ITCH: variants seen among roughly 807,000 people sequenced by gnomAD.
ITCH encodes itchy E3 ubiquitin protein ligase.
A neutral mutation model predicts 126.8 loss-of-function variants in ITCH; 28 were observed. That is an observed-to-expected ratio of 0.22 (90% CI 0.16 to 0.30). ITCH has a LOEUF of 0.30. ITCH is among the 10% of genes least tolerant of loss of function. The pLI is 1.00. For synonymous variants in ITCH, 342 were observed against 340.0 expected (o/e 1.01, Z -0.06); for missense variants, 631 against 1,032.4 (o/e 0.61, Z 5.33).
chr20:34,365,255 A>T (rs1414950276), intron 1 of ITCH, among the ~76,000 whole-genome samples: 1 of 152,166 alleles, frequency 6.6e-6, no homozygotes, highest in African/African-American at 2.4e-5. Flanking sequence ...TGCTTCTTTG[A>T]ACTGTGAATT....
chr20:34,386,057 A>G (rs1174855837), intron 2 of ITCH, among the ~76,000 whole-genome samples: 1 of 151,432 alleles, frequency 6.6e-6, no homozygotes, highest in East Asian at 1.9e-4. Context: ...CCTTCTACCA[A>G]TACCTTCAGT....
In ITCH at chr20:34,462,192, T is replaced by C. The variant is rs1986594231; in HGVS notation, c.1395T>C (p.Tyr465=). Residue 465 remains tyrosine (Y), a synonymous_variant, in exon 14 of 25, where the codon TAT becomes TAC. Transcript: ENST00000374864. ...FVDHNRRTTT[Y]IDPRTGKSAL... ...ACCACAATAGAAGAACTACCACCTA[T>C]ATAGATCCCCGCACAGGAAAATCTG... 1.2e-6 allele frequency: 2 copies of C among 1,613,930 alleles called. No homozygotes were observed. The highest frequency in any genetic ancestry group is 1.7e-6 in the Non-Finnish European group (2 of 1,179,848).
chr20:34,443,484 C>G (rs187734327), intron 10 of ITCH, among the ~76,000 whole-genome samples: 6 of 148,924 alleles, frequency 4.0e-5, no homozygotes, highest in African/African-American at 9.9e-5. Context: ...TCCAGCCTGG[C>G]GACAGATCAA....
At chr20:34,479,604 C>G in intron 17 of ITCH, 26 bp from the exon 18 acceptor site, 1 of 1,607,254 alleles carries the variant, frequency 6.2e-7, no homozygotes, top group Non-Finnish European at 8.5e-7. Flanking sequence ...CAAGATTTTT[C>G]ATCGTAAATT....
At chr20:34,464,617 G>A (rs781186632) in intron 14 of ITCH, among the ~76,000 whole-genome samples, 5 of 151,994 alleles carry the variant, frequency 3.3e-5, no homozygotes, top group Non-Finnish European at 7.4e-5. Flanking sequence ...GTGAAGCTCC[G>A]CGCCCAGCCT....
At chr20:34,387,992 A>G (rs1425121675) in intron 2 of ITCH, among the ~76,000 whole-genome samples, 1 of 152,132 alleles carries the variant, frequency 6.6e-6, no homozygotes, top group Non-Finnish European at 1.5e-5. Context: ...CGTGAGCCAC[A>G]GCACCCAGCC....
At chr20:34,499,326 A>T (rs1407901315) in intron 23 of ITCH, among the ~76,000 whole-genome samples, 1 of 114,436 alleles carries the variant, frequency 8.7e-6, no homozygotes, top group Non-Finnish European at 1.6e-5. Flanking sequence ...TTGCTCTGAC[A>T]CCCAGGCTGG....
At position 34,465,868 on chromosome 20, in the gene ITCH, C is replaced by T. The variant is rs1207675050; in HGVS notation, c.1424+3647C>T. ...CTTCTGAAAACAGATAAGTTTTCTT[C>T]TTCCCAATTTGGGTATCTTTTATTT... On this transcript the variant is annotated intron_variant, in intron 14 of 24. Transcript: ENST00000374864. Among the ~76,000 whole-genome samples, 3 of 152,028 alleles carry T rather than the reference C, an allele frequency of 2.0e-5. No individual in the cohort carries two copies. In the East Asian group the frequency reaches 5.8e-4, roughly 29 times the overall value.
chr20:34,400,644 TTC>T (rs2038844016), intron 3 of ITCH, among the ~76,000 whole-genome samples: 1 of 127,392 alleles, frequency 7.8e-6, no homozygotes, highest in East Asian at 2.3e-4. Flanking sequence ...AAAAAAATTT[TTC>T]TTTTTTTTTT....
At chr20:34,464,768 T>C (rs2146388667) in intron 14 of ITCH, among the ~76,000 whole-genome samples, 1 of 152,196 alleles carries the variant, frequency 6.6e-6, no homozygotes, top group East Asian at 1.9e-4. Context: ...TGGAGTGCAG[T>C]GGCAAGATCT....
chr20:34,462,249 G>A (rs751750465), intron 14 of ITCH, 28 bp downstream of exon 14: 1 of 1,607,026 alleles, frequency 6.2e-7, no homozygotes, highest in South Asian at 1.1e-5. Context: ...TGTAGATTAA[G>A]AGTAAAATAC....
At chr20:34,493,921 T>C (rs1265430514) in intron 23 of ITCH, among the ~76,000 whole-genome samples, 1 of 152,152 alleles carries the variant, frequency 6.6e-6, no homozygotes, top group Admixed American at 6.5e-5. Context: ...CATCTGCATG[T>C]AGGGATAAGA....
intron 5 of ITCH, among the ~76,000 whole-genome samples, chr20:34,413,513 A>G (rs984787184): frequency 3.3e-5 from 5 of 152,190 alleles, no homozygotes; most frequent in Non-Finnish European, 5.9e-5. Context: ...TGGAGATACT[A>G]TTTTACATCA....
intron 16 of ITCH, among the ~76,000 whole-genome samples, chr20:34,475,163 T>G (rs1344280824): frequency 2.0e-5 from 3 of 147,384 alleles, no homozygotes; most frequent in Admixed American, 2.0e-4. Flanking sequence ...CGCTCCTCAC[T>G]TTCCAGACTG....
At chr20:34,472,384 A>C (rs1009159877) in intron 16 of ITCH, among the ~76,000 whole-genome samples, 1 of 129,892 alleles carries the variant, frequency 7.7e-6, no homozygotes, top group Non-Finnish European at 1.7e-5. Flanking sequence ...AAAAAAAAAA[A>C]AAAAAAAAAA....
At chr20:34,398,688 G>A (rs1213819224) in intron 3 of ITCH, among the ~76,000 whole-genome samples, 3 of 152,000 alleles carry the variant, frequency 2.0e-5, no homozygotes, top group Non-Finnish European at 2.9e-5. Context: ...GTGAGCCACC[G>A]CGCCTGGCCT....
At chr20:34,499,990 T>G (rs1990150989) in intron 23 of ITCH, among the ~76,000 whole-genome samples, 1 of 152,206 alleles carries the variant, frequency 6.6e-6, no homozygotes, top group Non-Finnish European at 1.5e-5. Context: ...ATTTTGAAAG[T>G]TCCTCTTTTT....
chr20:34,439,196 C>T (rs1051411818), intron 8 of ITCH, among the ~76,000 whole-genome samples: 2 of 152,154 alleles, frequency 1.3e-5, no homozygotes, highest in Non-Finnish European at 2.9e-5. Flanking sequence ...TGTAGTTAAA[C>T]CAAATATTAC....
intron 3 of ITCH, 86 bp downstream of exon 3, chr20:34,393,967 C>T: frequency 3.1e-6 from 4 of 1,285,004 alleles, no homozygotes; most frequent in Non-Finnish European, 4.5e-6. Flanking sequence ...CATGGTGGCC[C>T]ATGCCTGTAA....
Sources: allele counts gnomAD v4.1 joint callset (sites outside exome capture counted in the v4.1 genomes callset), GRCh38; gene constraint gnomAD v4.1.1; transcripts MANE v1.5; gene names NCBI Gene and HGNC (gene_info 2026-07-23, HGNC 2026-07-21).